The following CNTN4 variants were observed in gnomAD, a reference collection of about 807,000 sequenced individuals.
The protein encoded by CNTN4 is contactin-4.
In CNTN4, 77 loss-of-function variants were observed where a neutral mutation model predicts 122.5. The observed-to-expected ratio is 0.63, with a 90% CI of 0.52 to 0.76. The LOEUF (loss-of-function observed/expected upper bound fraction) is 0.76, where lower values mean the gene tolerates loss of function less well. Among genes scored for constraint, CNTN4 ranks in the 30% least tolerant of loss-of-function variants. CNTN4 has a pLI of 0.00. For missense variants in CNTN4, 1,256 were observed against 1,259.1 expected, an observed-to-expected ratio of 1.00 and a Z score of 0.04; for synonymous variants, 512 against 447.0, an observed-to-expected ratio of 1.15 and a Z score of -1.83.
intron 13 of CNTN4, among the ~76,000 whole-genome samples, chr3:2,979,616 T>C (rs73003024): frequency 0.12 from 18,859 of 152,008 alleles, 1,291 homozygotes; most frequent in Non-Finnish European, 0.15. Context: ...TTTGAGTTTT[T>C]TTTTTTTTTA....
At chr3:2,728,714 G>A (rs2088422374) in intron 4 of CNTN4, among the ~76,000 whole-genome samples, 1 of 152,226 alleles carries the variant, frequency 6.6e-6, no homozygotes, top group African/African-American at 2.4e-5. Flanking sequence ...CTCCAGATGT[G>A]ACCCAGGTAC....
intron 23 of CNTN4, among the ~76,000 whole-genome samples, chr3:3,049,279 C>T (rs1038552168): frequency 6.6e-6 from 1 of 152,186 alleles, no homozygotes; most frequent in Admixed American, 6.5e-5. Flanking sequence ...GATGGAGTTT[C>T]ACCATGTTGG....
intron 3 of CNTN4, among the ~76,000 whole-genome samples, chr3:2,545,260 C>G (rs1001514141): frequency 3.3e-5 from 5 of 151,834 alleles, no homozygotes; most frequent in Non-Finnish European, 7.4e-5. Context: ...TTGCATTTGC[C>G]TGAGGATTGT....
chr3:2,675,518 A>G (rs905834390), intron 4 of CNTN4, among the ~76,000 whole-genome samples: 1 of 152,098 alleles, frequency 6.6e-6, no homozygotes, highest in Non-Finnish European at 1.5e-5. Flanking sequence ...TATCTTGTTT[A>G]TTTATGTTTC....
At chr3:2,498,483 T>C (rs2076509981) in intron 3 of CNTN4, among the ~76,000 whole-genome samples, 2 of 147,554 alleles carry the variant, frequency 1.4e-5, no homozygotes, top group Non-Finnish European at 3.0e-5. Context: ...GTTGTTGTCG[T>C]TGTTGTTGTT....
chr3:2,703,723 A>G (rs2086488394), intron 4 of CNTN4, among the ~76,000 whole-genome samples: 1 of 152,184 alleles, frequency 6.6e-6, no homozygotes, highest in African/African-American at 2.4e-5. Context: ...AATCATAGTT[A>G]CTTGTAAACC....
At chr3:2,574,610 A>G (rs914021926) in intron 4 of CNTN4, among the ~76,000 whole-genome samples, 1 of 152,184 alleles carries the variant, frequency 6.6e-6, no homozygotes, top group African/African-American at 2.4e-5. Context: ...GTTCAGCCAC[A>G]ATGAAAATTG....
At chr3:2,250,570 C>T (rs900148558) in intron 2 of CNTN4, among the ~76,000 whole-genome samples, 10 of 151,738 alleles carry the variant, frequency 6.6e-5, no homozygotes, top group South Asian at 2.1e-4. Context: ...ATGTTCAGGA[C>T]GATGCATATG....
At chr3:3,012,562 G>A (rs903780904) in intron 14 of CNTN4, among the ~76,000 whole-genome samples, 1 of 151,856 alleles carries the variant, frequency 6.6e-6, no homozygotes, top group Non-Finnish European at 1.5e-5. Flanking sequence ...CAGTTCTCCT[G>A]CCTCAACCTC....
intron 3 of CNTN4, among the ~76,000 whole-genome samples, chr3:2,354,879 G>A (rs531292779): frequency 6.6e-6 from 1 of 152,278 alleles, no homozygotes; most frequent in Admixed American, 6.5e-5. Context: ...ACCATTTGAG[G>A]AAAATACAAA....
chr3:2,347,753 G>A (rs2044456999), intron 3 of CNTN4, among the ~76,000 whole-genome samples: 1 of 151,892 alleles, frequency 6.6e-6, no homozygotes, highest in South Asian at 2.1e-4. Flanking sequence ...AAGGAGAACT[G>A]TAGTATTTAT....
At chr3:2,782,100 A>G (rs2091616529) in intron 6 of CNTN4, among the ~76,000 whole-genome samples, 1 of 152,048 alleles carries the variant, frequency 6.6e-6, no homozygotes, top group South Asian at 2.1e-4. Flanking sequence ...GCTTTTAGCT[A>G]GCAGGCTTCA....
intron 3 of CNTN4, among the ~76,000 whole-genome samples, chr3:2,398,539 G>T (rs1285501169): frequency 6.6e-6 from 1 of 152,152 alleles, no homozygotes; most frequent in Non-Finnish European, 1.5e-5. Flanking sequence ...AGGGGAAAAA[G>T]CTATGTAGAA....
intron 6 of CNTN4, among the ~76,000 whole-genome samples, chr3:2,746,216 A>T (rs1355665439): frequency 6.6e-6 from 1 of 152,228 alleles, no homozygotes; most frequent in South Asian, 2.1e-4. Flanking sequence ...AAAAAAACTC[A>T]GTAGTCAATT....
intron 7 of CNTN4, among the ~76,000 whole-genome samples, chr3:2,834,640 C>T (rs1057106846): frequency 6.6e-6 from 1 of 151,554 alleles, no homozygotes; most frequent in African/African-American, 2.4e-5. Flanking sequence ...TAAAGATGAG[C>T]AAAAAAGCAT....
chr3:2,141,143 G>A (rs1427746394), intron 2 of CNTN4, among the ~76,000 whole-genome samples: 1 of 152,196 alleles, frequency 6.6e-6, no homozygotes, highest in Non-Finnish European at 1.5e-5. Context: ...GCAGGGTATT[G>A]TGATAGGCAG....
At chr3:2,600,008 C>CTTTTTT (rs71058630) in intron 4 of CNTN4, among the ~76,000 whole-genome samples, 3 of 41,746 alleles carry the variant, frequency 7.2e-5, no homozygotes, top group African/African-American at 1.2e-4. Context: ...TGGAATTCTT[C>CTTTTTT]TTTTTTTTTT....
At chr3:2,458,327 G>C (rs542945035) in intron 3 of CNTN4, among the ~76,000 whole-genome samples, 3 of 152,190 alleles carry the variant, frequency 2.0e-5, no homozygotes, top group Non-Finnish European at 4.4e-5. Flanking sequence ...AAAAATGAAC[G>C]ATGTTTTATC....
chr3:2,770,930 T>C (rs181396980), intron 6 of CNTN4, among the ~76,000 whole-genome samples: 4 of 152,314 alleles, frequency 2.6e-5, no homozygotes, highest in Non-Finnish European at 5.9e-5. Flanking sequence ...TTTTCCTCAT[T>C]TTTTGGTTTG....
Sources: allele counts gnomAD v4.1 joint callset (sites outside exome capture counted in the v4.1 genomes callset), GRCh38; gene constraint gnomAD v4.1.1; transcripts MANE v1.5; gene names NCBI Gene and HGNC (gene_info 2026-07-23, HGNC 2026-07-21).